Variants in SLC22A15 observed in about 807,000 individuals in gnomAD.
SLC22A15 encodes solute carrier family 22 member 15.
A neutral mutation model predicts 62.7 loss-of-function variants in SLC22A15; 45 were observed. The ratio of observed to expected loss-of-function variants is 0.72; its 90% CI spans 0.56 to 0.92. The LOEUF is 0.92. SLC22A15 is among the 40% of genes least tolerant of loss of function. The pLI is 0.00. For missense variants in SLC22A15, 622 were observed against 665.6 expected (o/e 0.93, Z 0.72); for synonymous variants, 264 against 267.0 (o/e 0.99, Z 0.11).
At chr1:116,052,686 C>A (rs989081717) in intron 8 of SLC22A15, among the ~76,000 whole-genome samples, 1 of 152,164 alleles carries the variant, frequency 6.6e-6, no homozygotes, top group African/African-American at 2.4e-5. Context: ...CCTCACACGG[C>A]GGGCTACTCC....
intron 6 of SLC22A15, chr1:116,032,373 G>A: frequency 1.0e-6 from 1 of 985,298 alleles, no homozygotes; most frequent in South Asian, 4.7e-5. Context: ...TGTTATCTGG[G>A]CAAAATCATA....
intron 4 of SLC22A15, among the ~76,000 whole-genome samples, chr1:116,021,954 G>C (rs1465887502): frequency 6.6e-6 from 1 of 152,170 alleles, no homozygotes. Context: ...TGCTGGCCTG[G>C]TCAACCTGTT....
At chr1:115,978,344 T>C (rs1348355812) in intron 1 of SLC22A15, among the ~76,000 whole-genome samples, 12 of 152,224 alleles carry the variant, frequency 7.9e-5, no homozygotes, top group Non-Finnish European at 1.2e-4. Flanking sequence ...TAAGTTTCTC[T>C]AACTTACTTT....
intron 3 of SLC22A15, 42 bp downstream of exon 3, chr1:116,019,756 T>G: frequency 6.4e-7 from 1 of 1,574,522 alleles, no homozygotes; most frequent in Non-Finnish European, 8.6e-7. Context: ...AGAGGGCTTA[T>G]TTCTCTAAGA....
chr1:116,066,177 A>G (rs901445022), intron 10 of SLC22A15, among the ~76,000 whole-genome samples: 2 of 152,220 alleles, frequency 1.3e-5, no homozygotes. Flanking sequence ...AAGCTGAACT[A>G]CAAGATGTCC....
intron 8 of SLC22A15, among the ~76,000 whole-genome samples, chr1:116,057,396 G>T (rs1307362689): frequency 1.3e-5 from 2 of 151,812 alleles, no homozygotes; most frequent in Admixed American, 6.6e-5. Context: ...TCATTAAAAA[G>T]TCAGGAAACA....
intron 6 of SLC22A15, 55 bp from the exon 7 acceptor site, chr1:116,035,132 T>C (rs1314786533): frequency 5.1e-6 from 8 of 1,568,958 alleles, no homozygotes; most frequent in Admixed American, 3.6e-5. Flanking sequence ...TCTTATGTAC[T>C]TTTCTGTTGT....
intron 8 of SLC22A15, among the ~76,000 whole-genome samples, chr1:116,045,875 T>G (rs1452838840): frequency 2.6e-5 from 4 of 152,192 alleles, no homozygotes; most frequent in Admixed American, 2.6e-4. Context: ...AATTGATTTT[T>G]TTTTTGACAG....
At chr1:116,065,691 C>T (rs1658481806) in intron 10 of SLC22A15, among the ~76,000 whole-genome samples, 1 of 152,066 alleles carries the variant, frequency 6.6e-6, no homozygotes, top group South Asian at 2.1e-4. Context: ...ATCATCTCTT[C>T]ACTTTGAAAA....
At chr1:116,029,021 C>G (rs1010859143) in intron 5 of SLC22A15, among the ~76,000 whole-genome samples, 3 of 152,178 alleles carry the variant, frequency 2.0e-5, no homozygotes, top group Non-Finnish European at 4.4e-5. Flanking sequence ...CATGTTCTCT[C>G]TTTCTAAACT....
At chr1:116,016,157 C>T (rs572377501) in intron 2 of SLC22A15, among the ~76,000 whole-genome samples, 1 of 150,112 alleles carries the variant, frequency 6.7e-6, no homozygotes, top group African/African-American at 2.5e-5. Context: ...TCTTCTATCC[C>T]TCTCTTCTCT....
At chr1:116,048,280 A>T (rs1441668565) in intron 8 of SLC22A15, among the ~76,000 whole-genome samples, 2 of 152,228 alleles carry the variant, frequency 1.3e-5, no homozygotes, top group African/African-American at 4.8e-5. Context: ...GCCCATTGTC[A>T]TCAGGTTATC....
Position 116,064,457 on chromosome 1 carries a change from T to C in SLC22A15, c.1314T>C (p.Cys438=), listed in dbSNP as rs745802599. The C allele has an allele frequency of 6.2e-7, 1 of 1,613,444 alleles. No individual in the cohort carries two copies. Among genetic ancestry groups the C allele is most frequent in the African/African-American group, 1.3e-5 (1 of 74,922 alleles). The change falls in exon 10 of 12, where the codon TGT becomes TGC. Residue 438 remains cysteine, a synonymous_variant. Transcript: ENST00000369503. ...TCAGGAATGTTGGGCTTGGAACTTG[T>C]TCCATGTTCTCCCGAGTTGGTGGGA... ...TVIRNVGLGT[C]SMFSRVGGII... is the part of the protein sequence containing the mutation.
At chr1:116,056,135 A>G (rs1216693211) in intron 8 of SLC22A15, among the ~76,000 whole-genome samples, 1 of 151,908 alleles carries the variant, frequency 6.6e-6, no homozygotes, top group Non-Finnish European at 1.5e-5. Flanking sequence ...TGCAGATGAC[A>G]TGATTGTATA....
chr1:115,988,983 T>C (rs1655018230), intron 1 of SLC22A15, among the ~76,000 whole-genome samples: 1 of 152,112 alleles, frequency 6.6e-6, no homozygotes, highest in Non-Finnish European at 1.5e-5. Flanking sequence ...AGCATGACTA[T>C]GGGTATTGGA....
chr1:116,030,605 A>G (rs1265337327), intron 5 of SLC22A15, among the ~76,000 whole-genome samples: 2 of 152,358 alleles, frequency 1.3e-5, no homozygotes, highest in South Asian at 2.1e-4. Context: ...GAATATATCA[A>G]TGGCAATATA....
At chr1:115,988,174 T>G (rs1654967499) in intron 1 of SLC22A15, among the ~76,000 whole-genome samples, 1 of 152,212 alleles carries the variant, frequency 6.6e-6, no homozygotes, top group Non-Finnish European at 1.5e-5. Flanking sequence ...TAATGATTTA[T>G]TTGAGATGTT....
At chr1:115,985,167 TGTCCTTTACAG>T (rs1474322531) in intron 1 of SLC22A15, among the ~76,000 whole-genome samples, 1 of 152,212 alleles carries the variant, frequency 6.6e-6, no homozygotes, top group Non-Finnish European at 1.5e-5. Flanking sequence ...TCATGGTAAG[TGTCCTTTACAG>T]GTGTACCATT....
intron 4 of SLC22A15, 86 bp downstream of exon 4, chr1:116,020,971 A>G (rs1656805897): frequency 8.0e-7 from 1 of 1,253,588 alleles, no homozygotes; most frequent in Non-Finnish European, 1.1e-6. Flanking sequence ...GAGTCTGGAA[A>G]TGCATTTGGA....
Sources: gnomAD v4.1 joint callset for allele counts (sites outside exome capture counted in the v4.1 genomes callset) on GRCh38, gnomAD v4.1.1 for gene constraint, MANE v1.5 for transcripts, NCBI Gene and HGNC (gene_info 2026-07-23, HGNC 2026-07-21) for gene names.